FSTL4: variants seen among roughly 807,000 people sequenced by gnomAD.
The protein encoded by FSTL4 is follistatin-related protein 4.
FSTL4 carries 28 observed loss-of-function variants against 78.2 expected under a neutral mutation model. The ratio of observed to expected loss-of-function variants is 0.36; its 90% CI spans 0.27 to 0.49. FSTL4 has a LOEUF of 0.49. FSTL4 is among the 20% of genes least tolerant of loss of function. The pLI is 0.98. For synonymous variants in FSTL4, 422 were observed against 440.5 expected (o/e 0.96, Z 0.53); for missense variants, 922 against 1,084.9 (o/e 0.85, Z 2.11).
chr5:133,545,051 A>ACCTTATATCACAC (rs1288234607), intron 3 of FSTL4, among the ~76,000 whole-genome samples: 1 of 152,204 alleles, frequency 6.6e-6, no homozygotes, highest in Non-Finnish European at 1.5e-5. Flanking sequence ...TATTTATCAC[A>ACCTTATATCACAC]CCTTATATCA....
chr5:133,448,734 G>GA (rs1757317158), intron 3 of FSTL4, among the ~76,000 whole-genome samples: 4 of 129,392 alleles, frequency 3.1e-5, no homozygotes, highest in African/African-American at 1.1e-4. Context: ...CCAGGGGTGC[G>GA]GGGGCGGGGG....
chr5:133,827,095 C>T, the FSTL4 span, among the ~76,000 whole-genome samples: 3 of 152,250 alleles, frequency 2.0e-5, no homozygotes, highest in African/African-American at 7.2e-5. Context: ...TTGCTTTCCC[C>T]ACTCCAGGGA....
chr5:133,726,237 G>A, the FSTL4 span, among the ~76,000 whole-genome samples: 1 of 152,174 alleles, frequency 6.6e-6, no homozygotes, highest in South Asian at 2.1e-4. Flanking sequence ...GTGGTTGCAT[G>A]ACTCAACTCA....
intron 3 of FSTL4, among the ~76,000 whole-genome samples, chr5:133,431,453 TAGG>T (rs1269227853): frequency 6.6e-6 from 1 of 152,142 alleles, no homozygotes; most frequent in Non-Finnish European, 1.5e-5. Context: ...AGCCACCATG[TAGG>T]AGATCTGACT....
chr5:133,700,984 C>T, the FSTL4 span, among the ~76,000 whole-genome samples: 9 of 152,306 alleles, frequency 5.9e-5, no homozygotes, highest in South Asian at 2.1e-4. Context: ...CTCATTCAGA[C>T]GCAGGCGGAA....
intron 3 of FSTL4, among the ~76,000 whole-genome samples, chr5:133,476,268 A>G (rs80088730): frequency 1.1e-3 from 175 of 152,256 alleles, no homozygotes; most frequent in African/African-American, 3.9e-3. Flanking sequence ...TTACAAAAAG[A>G]TGAAGGAACT....
chr5:133,480,594 G>A (rs1297514711), intron 3 of FSTL4, among the ~76,000 whole-genome samples: 1 of 151,922 alleles, frequency 6.6e-6, no homozygotes, highest in Non-Finnish European at 1.5e-5. Flanking sequence ...TTCTACTTGT[G>A]GGCCCAGCTC....
At chr5:133,777,058 T>C in the FSTL4 span, among the ~76,000 whole-genome samples, 1 of 152,192 alleles carries the variant, frequency 6.6e-6, no homozygotes, top group Non-Finnish European at 1.5e-5. Context: ...CCCCACCATG[T>C]ACCAGGCACT....
At chr5:133,323,364 G>A (rs1561672181) in intron 4 of FSTL4, among the ~76,000 whole-genome samples, 1 of 152,222 alleles carries the variant, frequency 6.6e-6, no homozygotes, top group African/African-American at 2.4e-5. Context: ...GGCGAGGCCT[G>A]GGGTCTTCTC....
intron 7 of FSTL4, 70 bp from the exon 8 acceptor site, chr5:133,233,607 T>C (rs569341954): frequency 1.1e-5 from 17 of 1,571,154 alleles, no homozygotes; most frequent in Non-Finnish European, 1.5e-5. Context: ...AGCTGTCTCC[T>C]GGTTTTCCAG....
the FSTL4 span, among the ~76,000 whole-genome samples, chr5:133,823,641 A>C: frequency 1.3e-5 from 2 of 152,182 alleles, no homozygotes; most frequent in Non-Finnish European, 2.9e-5. Flanking sequence ...CCAAGCTGGA[A>C]ACCAGGGGAG....
At chr5:133,719,613 C>A in the FSTL4 span, among the ~76,000 whole-genome samples, 1 of 142,052 alleles carries the variant, frequency 7.0e-6, no homozygotes, top group Admixed American at 7.5e-5. Flanking sequence ...ACAGAGGCTG[C>A]GGTGAGCCAA....
the FSTL4 span, among the ~76,000 whole-genome samples, chr5:133,774,617 T>C: frequency 6.6e-6 from 1 of 152,186 alleles, no homozygotes; most frequent in Non-Finnish European, 1.5e-5. Flanking sequence ...TAAAATTTGT[T>C]TGCTGGTTGA....
chr5:133,464,088 G>A (rs370510336), intron 3 of FSTL4, among the ~76,000 whole-genome samples: 29 of 152,336 alleles, frequency 1.9e-4, no homozygotes, highest in Middle Eastern at 3.4e-3. Context: ...TGGATCAACC[G>A]TCTCACGTCT....
At chr5:133,774,508 T>G in the FSTL4 span, among the ~76,000 whole-genome samples, 1 of 152,156 alleles carries the variant, frequency 6.6e-6, no homozygotes, top group Non-Finnish European at 1.5e-5. Flanking sequence ...TTAAGAAACA[T>G]TGTGCTAAGG....
At chr5:133,435,872 C>T (rs1309211245) in intron 3 of FSTL4, among the ~76,000 whole-genome samples, 1 of 152,194 alleles carries the variant, frequency 6.6e-6, no homozygotes, top group Admixed American at 6.5e-5. Context: ...TCTACTTCCC[C>T]TCTAAATTGC....
At chr5:133,204,054 A>C (rs1200160651) in intron 14 of FSTL4, among the ~76,000 whole-genome samples, 9 of 152,192 alleles carry the variant, frequency 5.9e-5, no homozygotes, top group Admixed American at 4.6e-4. Context: ...GAATCTCAGG[A>C]TATGCCCATC....
the FSTL4 span, among the ~76,000 whole-genome samples, chr5:133,622,186 C>T: frequency 1.3e-5 from 2 of 152,164 alleles, no homozygotes; most frequent in African/African-American, 4.8e-5. Context: ...CTTTGCTCAG[C>T]ATAACTACCT....
the FSTL4 span, among the ~76,000 whole-genome samples, chr5:133,781,721 C>T: frequency 2.0e-5 from 3 of 152,168 alleles, no homozygotes; most frequent in Admixed American, 6.5e-5. Context: ...TGCACCCCCG[C>T]CCCCACAATC....
Sources: allele counts gnomAD v4.1 joint callset (sites outside exome capture counted in the v4.1 genomes callset), GRCh38; gene constraint gnomAD v4.1.1; transcripts MANE v1.5; gene names NCBI Gene and HGNC (gene_info 2026-07-23, HGNC 2026-07-21).